The following PGPEP1L variants were observed in gnomAD, a reference collection of about 807,000 sequenced individuals.
PGPEP1L encodes the protein pyroglutamyl-peptidase 1-like protein.
In PGPEP1L, 7 loss-of-function variants were observed where a neutral mutation model predicts 6.0. The observed-to-expected ratio is 1.17, with a 90% CI of 0.66 to 2.19. PGPEP1L has a LOEUF of 2.19. Ranked by LOEUF, PGPEP1L falls within the 30% of genes most tolerant of loss-of-function variation. The probability of loss-of-function intolerance (pLI) is 0.00; values close to 1 mark genes in which losing one functional copy is unlikely to be tolerated. For missense variants in PGPEP1L, 209 were observed against 192.5 expected (o/e 1.09, Z -0.51); for synonymous variants, 103 against 83.9 (o/e 1.23, Z -1.24).
chr15:98,972,593 GCA>G (rs1362808544), intron 2 of PGPEP1L, among the ~76,000 whole-genome samples: 8 of 151,984 alleles, frequency 5.3e-5, no homozygotes, highest in African/African-American at 1.7e-4. Context: ...AGTGGGCCGG[GCA>G]CAGTGGCTCA....
intron 3 of PGPEP1L, among the ~76,000 whole-genome samples, chr15:98,970,071 CAG>C (rs1567233741): frequency 1.3e-5 from 2 of 152,184 alleles, no homozygotes; most frequent in East Asian, 1.9e-4. Context: ...TTTTATGAGA[CAG>C]AGTCTGGCTG....
chr15:99,004,651 G>A (rs1370136249), intron 2 of PGPEP1L, among the ~76,000 whole-genome samples: 1 of 152,196 alleles, frequency 6.6e-6, no homozygotes, highest in African/African-American at 2.4e-5. Flanking sequence ...CCAGGAGGCG[G>A]AGGCTGCAGT....
chr15:98,983,552 G>A (rs2017699598), intron 2 of PGPEP1L, among the ~76,000 whole-genome samples: 1 of 152,158 alleles, frequency 6.6e-6, no homozygotes, highest in East Asian at 1.9e-4. Context: ...GCACTTAAGA[G>A]CTAAGCATGT....
chr15:99,000,164 C>A (rs2017942635), intron 2 of PGPEP1L, among the ~76,000 whole-genome samples: 1 of 152,250 alleles, frequency 6.6e-6, no homozygotes, highest in Non-Finnish European at 1.5e-5. Context: ...GCCCCGCCGG[C>A]CCCAGGCAGT....
intron 4 of PGPEP1L, 134 bp from the exon 5 acceptor site, chr15:98,968,831 T>G: frequency 1.2e-6 from 1 of 820,768 alleles, no homozygotes; most frequent in Non-Finnish European, 1.9e-6. Context: ...CTTGTGTTGT[T>G]TCACCTCAGA....
At position 98,969,576 on chromosome 15, in the gene PGPEP1L, G is replaced by T. The variant is rs200266269; in HGVS notation, c.58C>A (p.Arg20=). The part of the protein sequence containing the change: ...LEQSGKNQGY[R]DADIRSFWPE... ...CAGAAGCTGCGGATGTCGGCGTCCC[G>T]GTAGCCTTGGTTCTTGCCAGACTGT... is the stretch of plus-strand genomic sequence containing the variant. The change falls in exon 4 of 5, where the codon CGG becomes AGG. Residue 20 remains arginine, a synonymous_variant. Coordinates refer to ENST00000535714, the MANE Select transcript of PGPEP1L (RefSeq NM_001167902.2). 1 of 1,613,842 alleles carries T rather than the reference G, an allele frequency of 6.2e-7. No individual in the cohort carries two copies. Among genetic ancestry groups the T allele is most frequent in the Non-Finnish European group, 8.5e-7 (1 of 1,179,896 alleles).
At position 98,971,020 on chromosome 15, in the gene PGPEP1L, T is replaced by G; in HGVS notation, c.-19+16A>C. On this transcript the variant is annotated intron_variant, in intron 3 of 4. Coordinates refer to ENST00000535714, the MANE Select transcript of PGPEP1L (RefSeq NM_001167902.2). ...ATCGCCAGTCCCATGCCCCACTGCC[T>G]CTGGCCATCACTTACTTGCGGCTGA... 1.2e-6 allele frequency: 2 copies of G among 1,613,036 alleles called. No individual in the cohort carries two copies. The highest frequency in any genetic ancestry group is 1.7e-6 in the Non-Finnish European group (2 of 1,179,368).
In PGPEP1L at chr15:98,997,182, C is replaced by A. The variant is rs566279046; in HGVS notation, c.-142+8247G>T. The stretch of plus-strand genomic sequence containing the variant: ...GGAGCCCATGAAAGCCCCAAGCTGG[C>A]CTTTCTGGTATGTTGTGTGCAGCAG... On this transcript the variant is annotated intron_variant, in intron 2 of 4. Transcript: ENST00000535714. 4.6e-5 allele frequency among the ~76,000 whole-genome samples: 7 copies of A among 152,272 alleles called. 1 individual carries two copies. In the South Asian group the frequency reaches 1.5e-3, roughly 32 times the overall value.
At chr15:98,984,120 C>T (rs1162733469) in intron 2 of PGPEP1L, among the ~76,000 whole-genome samples, 1 of 150,674 alleles carries the variant, frequency 6.6e-6, no homozygotes, top group Non-Finnish European at 1.5e-5. Flanking sequence ...ACACCATTCT[C>T]CTGCCTCAGC....
chr15:98,976,760 T>C (rs558436475), intron 2 of PGPEP1L, among the ~76,000 whole-genome samples: 57 of 152,338 alleles, frequency 3.7e-4, no homozygotes, highest in Non-Finnish European at 6.8e-4. Context: ...GAGTAGATTA[T>C]GTTTACTTGC....
At chr15:98,993,148 C>T (rs1381261197) in intron 2 of PGPEP1L, among the ~76,000 whole-genome samples, 1 of 152,080 alleles carries the variant, frequency 6.6e-6, no homozygotes, top group Non-Finnish European at 1.5e-5. Context: ...GCAAAAGAAA[C>T]TATCATCAGA....
intron 2 of PGPEP1L, among the ~76,000 whole-genome samples, chr15:98,993,498 G>A (rs1408180105): frequency 1.3e-5 from 2 of 152,196 alleles, no homozygotes; most frequent in African/African-American, 4.8e-5. Context: ...CACTGTTGGT[G>A]GGAGTGTAAA....
intron 2 of PGPEP1L, among the ~76,000 whole-genome samples, chr15:98,978,706 G>GTGTATA (rs1454206317): frequency 4.4e-5 from 4 of 90,568 alleles, no homozygotes; most frequent in African/African-American, 1.8e-4. Flanking sequence ...ATTAGACTGT[G>GTGTATA]TATATATATA....
intron 2 of PGPEP1L, among the ~76,000 whole-genome samples, chr15:98,990,021 G>GA (rs1308657095): frequency 6.6e-6 from 1 of 152,134 alleles, no homozygotes; most frequent in Non-Finnish European, 1.5e-5. Context: ...CAGCCACTGC[G>GA]AAACCATACC....
chr15:99,006,429 T>A lies in PGPEP1L; in HGVS notation c.-369-773A>T, dbSNP rs146691234. 2.1e-3 allele frequency among the ~76,000 whole-genome samples: 315 copies of A among 152,360 alleles called. 1 individual carries two copies. Among genetic ancestry groups the A allele is most frequent in the Non-Finnish European group, 3.6e-3 (247 of 68,032 alleles). ...CTGGCTCTGCAGACAGTCCTCTTTT[T>A]AATGTGTCAGAATAACTGAAAAAGG... On this transcript the variant is annotated intron_variant, in intron 1 of 4. Transcript: ENST00000535714.
At chr15:98,974,768 C>T (rs1367660013) in intron 2 of PGPEP1L, among the ~76,000 whole-genome samples, 1 of 152,124 alleles carries the variant, frequency 6.6e-6, no homozygotes, top group Non-Finnish European at 1.5e-5. Context: ...TCATGGCACA[C>T]ATCTGTAGTC....
chr15:98,968,590 C>A lies in PGPEP1L; in HGVS notation c.317G>T (p.Gly106Val), dbSNP rs1268191762. 5 of 1,611,470 alleles carry A rather than the reference C, an allele frequency of 3.1e-6. No individual in the cohort carries two copies. Among genetic ancestry groups the A allele is most frequent in the African/African-American group, 1.3e-5 (1 of 74,930 alleles). The change falls in exon 5 of 5, where the codon GGA becomes GTA. Residue 106 changes from glycine (G) to valine (V), a missense_variant. Transcript: ENST00000535714. Reference sequence around the variant, plus strand: ...CTGGATGATGACTCTCAAGGCTCTTCCCAGCAGGCTGGCCGGGAGCCCGCG... The same window carrying A: ...CTGGATGATGACTCTCAAGGCTCTTACCAGCAGGCTGGCCGGGAGCCCGCG... ...LSRGLPASLL[G>V]RALRVIIQEM...
chr15:98,992,108 G>A (rs1302029787), intron 2 of PGPEP1L, among the ~76,000 whole-genome samples: 1 of 152,276 alleles, frequency 6.6e-6, no homozygotes, highest in South Asian at 2.1e-4. Flanking sequence ...AGGGCAGTCA[G>A]GCAAGACAAA....
intron 2 of PGPEP1L, among the ~76,000 whole-genome samples, chr15:98,984,009 CTTT>C (rs71456904): frequency 0.015 from 1,786 of 115,530 alleles, 14 homozygotes; most frequent in African/African-American, 0.056. Flanking sequence ...AGTAAGTAGT[CTTT>C]TTTTTTTTTT....
Sources: allele counts gnomAD v4.1 joint callset (sites outside exome capture counted in the v4.1 genomes callset), GRCh38; gene constraint gnomAD v4.1.1; transcripts MANE v1.5; gene names NCBI Gene and HGNC (gene_info 2026-07-23, HGNC 2026-07-21).